The following CELF4 variants were observed in gnomAD, a reference collection of about 807,000 sequenced individuals.
The protein encoded by CELF4 is CUG-BP- and ETR-3-like factor 4.
CELF4 carries 18 observed loss-of-function variants against 59.9 expected under a neutral mutation model. The observed-to-expected ratio is 0.30, with a 90% CI of 0.21 to 0.45. The LOEUF (loss-of-function observed/expected upper bound fraction) is 0.45, where lower values mean the gene tolerates loss of function less well. CELF4 is among the 20% of genes least tolerant of loss of function. The probability of loss-of-function intolerance (pLI) is 1.00; values close to 1 mark genes in which losing one functional copy is unlikely to be tolerated. For synonymous variants in CELF4, 261 were observed against 267.1 expected (o/e 0.98, Z 0.22); for missense variants, 456 against 689.0 (o/e 0.66, Z 3.79).
intron 2 of CELF4, among the ~76,000 whole-genome samples, chr18:37,469,356 G>C (rs972809100): frequency 1.7e-4 from 26 of 152,252 alleles, no homozygotes; most frequent in African/African-American, 6.3e-4. Context: ...GGGGGCCGGG[G>C]AAGCAGCAGA....
intron 2 of CELF4, among the ~76,000 whole-genome samples, chr18:37,448,758 G>A (rs549901612): frequency 1.3e-5 from 2 of 152,366 alleles, no homozygotes; most frequent in Non-Finnish European, 2.9e-5. Flanking sequence ...TTCCCAAGAA[G>A]TGCTCAGCCC....
intron 2 of CELF4, among the ~76,000 whole-genome samples, chr18:37,412,981 C>T (rs904144333): frequency 6.6e-6 from 1 of 151,996 alleles, no homozygotes; most frequent in Non-Finnish European, 1.5e-5. Context: ...TAGAAGGCTG[C>T]GGGGGCTGGG....
intron 9 of CELF4, among the ~76,000 whole-genome samples, chr18:37,265,036 T>C (rs1183130703): frequency 6.6e-6 from 1 of 150,744 alleles, no homozygotes; most frequent in Non-Finnish European, 1.5e-5. Context: ...TGTGTACGTG[T>C]GTGTGTACAT....
chr18:37,458,560 T>A lies in CELF4; in HGVS notation c.369+26965A>T, dbSNP rs774535822. On this transcript the variant is annotated intron_variant, in intron 2 of 12. Coordinates refer to ENST00000420428, the MANE Select transcript of CELF4 (RefSeq NM_020180.4). Reference sequence around the variant, plus strand: ...TAGGAGACCTTGTTACAGTTTGCAGTATCTCTGTTATAACTTGTAGAGCTC... The same window carrying A: ...TAGGAGACCTTGTTACAGTTTGCAGAATCTCTGTTATAACTTGTAGAGCTC... 2.6e-4 allele frequency among the ~76,000 whole-genome samples: 39 copies of A among 152,352 alleles called. 1 individual carries two copies. The highest frequency in any genetic ancestry group is 3.7e-4 in the Non-Finnish European group (25 of 68,036).
chr18:37,466,375 G>GA (rs2099808859), intron 2 of CELF4, among the ~76,000 whole-genome samples: 1 of 135,808 alleles, frequency 7.4e-6, no homozygotes, highest in Non-Finnish European at 1.6e-5. Flanking sequence ...TGCCTAAAAG[G>GA]AAAAATGGAA....
rs1436360236 is a variant in CELF4 at position 37,312,023 on chromosome 18, AT to A, written c.448+9779del. ...CTACTCGGGAGGCTGAGGCAGGAGA[AT>A]GGCATGAACCTGGGAGGTGGAACTT... On this transcript the variant is annotated intron_variant, in intron 3 of 12. Coordinates refer to ENST00000420428, the MANE Select transcript of CELF4 (RefSeq NM_020180.4). Among the ~76,000 whole-genome samples, 225 of 146,290 alleles carry A rather than the reference AT, an allele frequency of 1.5e-3. 3 individuals are homozygous for A. Among genetic ancestry groups the A allele is most frequent in the Non-Finnish European group, 3.7e-4 (25 of 66,746 alleles).
chr18:37,336,602 C>T (rs1283743081), intron 2 of CELF4, among the ~76,000 whole-genome samples: 1 of 152,168 alleles, frequency 6.6e-6, no homozygotes, highest in Non-Finnish European at 1.5e-5. Flanking sequence ...GCTGGGGTCA[C>T]CCTCAGACTC....
chr18:37,450,774 CG>C (rs1346807259), intron 2 of CELF4, among the ~76,000 whole-genome samples: 1 of 152,140 alleles, frequency 6.6e-6, no homozygotes, highest in Non-Finnish European at 1.5e-5. Flanking sequence ...TGCAGGGCCT[CG>C]GTGGTACCTG....
At chr18:37,271,133 G>A (rs2091024972) in intron 7 of CELF4, among the ~76,000 whole-genome samples, 1 of 152,048 alleles carries the variant, frequency 6.6e-6, no homozygotes, top group Admixed American at 6.6e-5. Context: ...ATCCTTCAAG[G>A]CAGACTCCAA....
At chr18:37,248,175 A>G (rs2063249987) in intron 12 of CELF4, among the ~76,000 whole-genome samples, 1 of 151,882 alleles carries the variant, frequency 6.6e-6, no homozygotes, top group African/African-American at 2.4e-5. Context: ...TTTCTGCTCC[A>G]CCTCAAATTA....
chr18:37,387,062 G>A (rs1193419915), intron 2 of CELF4, among the ~76,000 whole-genome samples: 1 of 152,226 alleles, frequency 6.6e-6, no homozygotes. Flanking sequence ...CGGCTCCCCA[G>A]CCCCGGCTGG....
intron 3 of CELF4, among the ~76,000 whole-genome samples, chr18:37,297,458 G>A (rs6507197): frequency 0.56 from 84,824 of 152,128 alleles, 26,083 homozygotes; most frequent in African/African-American, 0.83. Context: ...GACAAGGTGC[G>A]GGACCACTGT....
At chr18:37,262,190 G>A (rs2075036817) in intron 10 of CELF4, among the ~76,000 whole-genome samples, 1 of 152,202 alleles carries the variant, frequency 6.6e-6, no homozygotes, top group South Asian at 2.1e-4. Flanking sequence ...CACTCCCAGT[G>A]CCGCGCTCTC....
Position 37,254,117 on chromosome 18 carries a change from C to T in CELF4, c.1334-179G>A. ...CAGCCCGCGCGCGCGTGCTAGGCCC[C>T]TCCGGGGGCAGGCGCTGGCGGGGAC... On this transcript the variant is annotated intron_variant, in intron 11 of 12. Coordinates refer to ENST00000420428, the MANE Select transcript of CELF4 (RefSeq NM_020180.4). This position sits in a 1 kb window ranked among gnomAD's most constrained non-coding sequence, Gnocchi z 5.1. The T allele has an allele frequency of 7.4e-6, 2 of 271,506 alleles. No homozygotes were observed. Among genetic ancestry groups the T allele is most frequent in the East Asian group, 1.7e-4 (2 of 12,016 alleles). 16.8% of individuals were successfully genotyped at this position (271,506 alleles called of 1,614,324 possible). A position where few individuals can be genotyped will look rare whatever the true frequency, so the allele number is the denominator to read the frequency against.
intron 2 of CELF4, among the ~76,000 whole-genome samples, chr18:37,413,813 T>C (rs975011016): frequency 7.2e-5 from 11 of 152,226 alleles, no homozygotes; most frequent in Non-Finnish European, 1.6e-4. Context: ...CCCTCTGGTG[T>C]GAAGGAAGAA....
chr18:37,518,207 T>TGGCA (rs1210416477), intron 1 of CELF4, among the ~76,000 whole-genome samples: 4 of 152,178 alleles, frequency 2.6e-5, no homozygotes, highest in Admixed American at 2.0e-4. Flanking sequence ...CACTGCTGGC[T>TGGCA]GGCAGGCAGG....
chr18:37,521,696 C>T (rs908126917), intron 1 of CELF4, among the ~76,000 whole-genome samples: 3 of 152,176 alleles, frequency 2.0e-5, no homozygotes, highest in Non-Finnish European at 4.4e-5. Flanking sequence ...ACATTTTCAG[C>T]AGAGGATCAG....
At chr18:37,331,464 A>G (rs1319943476) in intron 2 of CELF4, among the ~76,000 whole-genome samples, 2 of 152,174 alleles carry the variant, frequency 1.3e-5, no homozygotes, top group Admixed American at 1.3e-4. Context: ...GAAGCTGCAC[A>G]GGCTCCGAGT....
chr18:37,500,168 G>A (rs926125387), intron 1 of CELF4, among the ~76,000 whole-genome samples: 4 of 152,214 alleles, frequency 2.6e-5, no homozygotes, highest in African/African-American at 7.2e-5. Flanking sequence ...ACAGATTCAT[G>A]CGAGGAGGTG....
Sources: allele counts gnomAD v4.1 joint callset (sites outside exome capture counted in the v4.1 genomes callset), GRCh38; gene constraint gnomAD v4.1.1; non-coding constraint Gnocchi (gnomAD v3.1); transcripts MANE v1.5; gene names NCBI Gene and HGNC (gene_info 2026-07-23, HGNC 2026-07-21).